TGFBR3: variants seen among roughly 807,000 people sequenced by gnomAD.
TGFBR3 encodes transforming growth factor beta receptor 3.
Under a neutral mutation model 87.9 loss-of-function variants are expected in TGFBR3, and 46 were observed. The ratio of observed to expected loss-of-function variants is 0.52; its 90% CI spans 0.41 to 0.67. The LOEUF (loss-of-function observed/expected upper bound fraction) is 0.67, where lower values mean the gene tolerates loss of function less well. Among genes scored for constraint, TGFBR3 ranks in the 30% least tolerant of loss-of-function variants. The pLI, the probability that TGFBR3 is intolerant of heterozygous loss-of-function variation, is 0.00. For synonymous variants in TGFBR3, 381 were observed against 391.6 expected (o/e 0.97, Z 0.32); for missense variants, 866 against 1,041.9 (o/e 0.83, Z 2.32).
At chr1:91,763,656 C>T (rs1674058346) in intron 3 of TGFBR3, among the ~76,000 whole-genome samples, 1 of 152,192 alleles carries the variant, frequency 6.6e-6, no homozygotes, top group African/African-American at 2.4e-5. Flanking sequence ...GAATCTGGGT[C>T]TCCCAGCACC....
At chr1:91,803,642 G>A (rs1014979934) in intron 2 of TGFBR3, among the ~76,000 whole-genome samples, 9 of 151,520 alleles carry the variant, frequency 5.9e-5, no homozygotes, top group African/African-American at 2.2e-4. Flanking sequence ...CCTAATTAAT[G>A]TACTTGCCTT....
intron 1 of TGFBR3, among the ~76,000 whole-genome samples, chr1:91,904,748 T>A (rs1235703551): frequency 6.6e-6 from 1 of 151,968 alleles, no homozygotes; most frequent in Non-Finnish European, 1.5e-5. Flanking sequence ...TACTTTTTAG[T>A]AGAGACAGGG....
intron 2 of TGFBR3, among the ~76,000 whole-genome samples, chr1:91,831,277 A>C (rs535611076): frequency 6.6e-6 from 1 of 152,318 alleles, no homozygotes; most frequent in African/African-American, 2.4e-5. Flanking sequence ...TTGCAAAACC[A>C]AGTCACCTTG....
At chr1:91,875,797 T>TGGG (rs1557757426) in intron 1 of TGFBR3, among the ~76,000 whole-genome samples, 1 of 3,808 alleles carries the variant, frequency 2.6e-4, no homozygotes, top group Non-Finnish European at 6.0e-4. Flanking sequence ...GGGGGGGGGG[T>TGGG]GGGAGTGTGC....
intron 1 of TGFBR3, among the ~76,000 whole-genome samples, chr1:91,868,087 T>C (rs1221865514): frequency 6.6e-6 from 1 of 152,178 alleles, no homozygotes; most frequent in Non-Finnish European, 1.5e-5. Flanking sequence ...CTGGCTAATT[T>C]TTGTATTTTT....
At chr1:91,809,552 G>C (rs1391230341) in intron 2 of TGFBR3, among the ~76,000 whole-genome samples, 1 of 152,148 alleles carries the variant, frequency 6.6e-6, no homozygotes. Context: ...GATTAAAAAA[G>C]GAAAATCTGC....
chr1:91,878,674 A>T, intron 1 of TGFBR3, among the ~76,000 whole-genome samples: 1 of 152,214 alleles, frequency 6.6e-6, no homozygotes, highest in Admixed American at 6.5e-5. Context: ...ATCTGTAAAG[A>T]TCATTTTCTA....
At chr1:91,817,078 C>T (rs573938669) in intron 2 of TGFBR3, among the ~76,000 whole-genome samples, 8 of 152,216 alleles carry the variant, frequency 5.3e-5, no homozygotes, top group African/African-American at 1.9e-4. Context: ...AATACAGTCT[C>T]CAATTATGCA....
chr1:91,879,430 A>C (rs1344931889), intron 1 of TGFBR3, among the ~76,000 whole-genome samples: 1 of 152,106 alleles, frequency 6.6e-6, no homozygotes, highest in African/African-American at 2.4e-5. Flanking sequence ...CCGACACCAA[A>C]AAATTATCTT....
intron 8 of TGFBR3, 68 bp downstream of exon 8, chr1:91,721,887 C>T: frequency 7.0e-7 from 1 of 1,430,964 alleles, no homozygotes; most frequent in Non-Finnish European, 9.7e-7. Flanking sequence ...GCTGAAATGA[C>T]AGTTCCTCAC....
chr1:91,839,805 T>G (rs1677200526), intron 2 of TGFBR3, among the ~76,000 whole-genome samples: 1 of 152,094 alleles, frequency 6.6e-6, no homozygotes, highest in Admixed American at 6.5e-5. Flanking sequence ...AAAAAGAACA[T>G]TAGTAGAAAA....
At chr1:91,744,480 G>C (rs182227490) in intron 4 of TGFBR3, among the ~76,000 whole-genome samples, 1 of 152,248 alleles carries the variant, frequency 6.6e-6, no homozygotes, top group East Asian at 1.9e-4. Flanking sequence ...TGCTTCTCTA[G>C]AGCCTCCTCC....
chr1:91,821,651 G>A (rs1676456043), intron 2 of TGFBR3, among the ~76,000 whole-genome samples: 1 of 152,142 alleles, frequency 6.6e-6, no homozygotes, highest in Admixed American at 6.6e-5. Context: ...GAGAGCTGTG[G>A]CCCAACTTCC....
At chr1:91,712,747 T>C (rs528028570) in intron 12 of TGFBR3, among the ~76,000 whole-genome samples, 4 of 152,374 alleles carry the variant, frequency 2.6e-5, no homozygotes, top group Admixed American at 1.3e-4. Flanking sequence ...ATATAGATGA[T>C]GACAGTGAAT....
chr1:91,810,935 T>C (rs965473149), intron 2 of TGFBR3, among the ~76,000 whole-genome samples: 3 of 152,224 alleles, frequency 2.0e-5, no homozygotes, highest in Non-Finnish European at 4.4e-5. Context: ...AACTACATCA[T>C]TTGAGTGCCA....
intron 1 of TGFBR3, among the ~76,000 whole-genome samples, chr1:91,866,108 C>A (rs1678388344): frequency 6.6e-6 from 1 of 152,128 alleles, no homozygotes. Flanking sequence ...CTGAAAAAAT[C>A]CCATCCAAAT....
chr1:91,865,074 G>A (rs1039094151), intron 1 of TGFBR3, among the ~76,000 whole-genome samples: 4 of 151,698 alleles, frequency 2.6e-5, no homozygotes, highest in Admixed American at 2.0e-4. Context: ...GTGGTGGTAC[G>A]TGCCTGTAAT....
chr1:91,772,379 G>A lies in TGFBR3; in HGVS notation c.247-13629C>T, dbSNP rs551533430. Among the ~76,000 whole-genome samples, 13 of 152,220 alleles carry A rather than the reference G, an allele frequency of 8.5e-5. No individual in the cohort carries two copies. In the South Asian group the frequency reaches 2.1e-3, roughly 24 times the overall value. The stretch of plus-strand genomic sequence containing the variant: ...ATCTAAAGGGTACCTTTAGATTGTT[G>A]CTGAATTACCAAGGAATATCTTGCA... On this transcript the variant is annotated intron_variant, in intron 3 of 16. Coordinates refer to ENST00000212355, the MANE Select transcript of TGFBR3 (RefSeq NM_003243.5).
At chr1:91,857,321 C>T (rs976631544) in intron 2 of TGFBR3, among the ~76,000 whole-genome samples, 3 of 151,836 alleles carry the variant, frequency 2.0e-5, no homozygotes, top group African/African-American at 7.3e-5. Context: ...CCTCCTGCTA[C>T]ATTTCCACAC....
Sources: gnomAD v4.1 joint callset for allele counts (sites outside exome capture counted in the v4.1 genomes callset) on GRCh38, gnomAD v4.1.1 for gene constraint, MANE v1.5 for transcripts, NCBI Gene and HGNC (gene_info 2026-07-23, HGNC 2026-07-21) for gene names.